The following DNAJB6 variants were observed in gnomAD, a reference collection of about 807,000 sequenced individuals.
DNAJB6 encodes DnaJ heat shock protein family (Hsp40) member B6.
DNAJB6 carries 16 observed loss-of-function variants against 42.7 expected under a neutral mutation model. That is an observed-to-expected ratio of 0.37 (90% CI 0.25 to 0.57). The LOEUF (loss-of-function observed/expected upper bound fraction) is 0.57. DNAJB6 is among the 20% of genes least tolerant of loss of function. DNAJB6 has a pLI of 0.74. For missense variants in DNAJB6, 347 were observed against 416.8 expected, an observed-to-expected ratio of 0.83 and a Z score of 1.46; for synonymous variants, 170 against 163.5, an observed-to-expected ratio of 1.04 and a Z score of -0.30.
intron 8 of DNAJB6, among the ~76,000 whole-genome samples, chr7:157,395,416 T>G (rs62494682): frequency 0.49 from 74,894 of 152,096 alleles, 19,140 homozygotes; most frequent in African/African-American, 0.64. Flanking sequence ...TTTTCCTGCG[T>G]ATGCAGGAGC....
intron 1 of DNAJB6, among the ~76,000 whole-genome samples, chr7:157,342,727 A>G (rs1798468255): frequency 6.6e-6 from 1 of 152,222 alleles, no homozygotes; most frequent in African/African-American, 2.4e-5. Flanking sequence ...TGCTGGGATT[A>G]CAGGTGTGAG....
chr7:157,384,686 GAC>G (rs1469839953), intron 6 of DNAJB6, among the ~76,000 whole-genome samples, 179 bp from the exon 7 acceptor site: 1 of 152,234 alleles, frequency 6.6e-6, no homozygotes, highest in African/African-American at 2.4e-5. Context: ...GGATCTGAGA[GAC>G]AGTCTTTCCC....
chr7:157,347,093 G>C (rs1320735007), intron 1 of DNAJB6, among the ~76,000 whole-genome samples: 1 of 152,080 alleles, frequency 6.6e-6, no homozygotes, highest in African/African-American at 2.4e-5. Flanking sequence ...CTGACCTCGT[G>C]ATTCGCCTGC....
At chr7:157,385,457 A>T in intron 7 of DNAJB6, 84 bp from the exon 8 acceptor site, 2 of 1,412,816 alleles carry the variant, frequency 1.4e-6, no homozygotes, top group Non-Finnish European at 9.8e-7. Flanking sequence ...GGTGTATTTC[A>T]GTAATGTCCT....
chr7:157,346,082 C>A (rs774264944), intron 1 of DNAJB6, among the ~76,000 whole-genome samples: 32 of 151,924 alleles, frequency 2.1e-4, no homozygotes, highest in African/African-American at 6.5e-4. Context: ...GCATTGAACA[C>A]ACGGGCCAGG....
chr7:157,358,170 C>T (rs1799402896), intron 1 of DNAJB6, among the ~76,000 whole-genome samples: 1 of 152,170 alleles, frequency 6.6e-6, no homozygotes, highest in Non-Finnish European at 1.5e-5. Context: ...CACAGGAATG[C>T]ATTGAATGAA....
chr7:157,404,313 CA>C (rs1165144838), intron 8 of DNAJB6, among the ~76,000 whole-genome samples: 1 of 146,774 alleles, frequency 6.8e-6, no homozygotes, highest in Non-Finnish European at 1.5e-5. Context: ...TTTTTTGAGA[CA>C]AAGTCTTAAT....
chr7:157,392,099 CAAAA>C (rs57861175), intron 8 of DNAJB6, among the ~76,000 whole-genome samples: 7 of 112,234 alleles, frequency 6.2e-5, no homozygotes, highest in Admixed American at 9.9e-5. Context: ...GACCCTGTCT[CAAAA>C]AAAAAAAAAA....
intron 2 of DNAJB6, among the ~76,000 whole-genome samples, chr7:157,359,875 C>T (rs998302903): frequency 6.6e-6 from 1 of 152,138 alleles, no homozygotes; most frequent in African/African-American, 2.4e-5. Context: ...AAACCTCTGC[C>T]GAGGAACCTA....
chr7:157,415,149 C>G (rs1314630638), intron 9 of DNAJB6: 1 of 152,308 alleles, frequency 6.6e-6, no homozygotes, highest in Non-Finnish European at 1.5e-5. Context: ...CGGCCATGTT[C>G]CCTCTGCCCA....
chr7:157,339,636 T>A (rs1798246276), intron 1 of DNAJB6, among the ~76,000 whole-genome samples: 1 of 75,152 alleles, frequency 1.3e-5, no homozygotes, highest in East Asian at 6.0e-4. Flanking sequence ...TGTGTGTGTG[T>A]GTGTGTGTGT....
At chr7:157,351,613 A>G (rs1015288158) in intron 1 of DNAJB6, among the ~76,000 whole-genome samples, 1 of 150,060 alleles carries the variant, frequency 6.7e-6, no homozygotes, top group Non-Finnish European at 1.5e-5. Context: ...AGCCTGGGTG[A>G]CATAGTGAGA....
intron 1 of DNAJB6, among the ~76,000 whole-genome samples, chr7:157,343,535 C>A (rs563388542): frequency 6.6e-6 from 1 of 152,000 alleles, no homozygotes; most frequent in African/African-American, 2.4e-5. Context: ...GTGGTGTGAT[C>A]TCAGCTCACT....
rs542129864 is a variant in DNAJB6 at position 157,339,579 on chromosome 7, A to G, written c.-27+2435A>G. ...CTCCCAAAGTGCTGGGATTACAGGC[A>G]TGAGCCACCGCGCCCGGCCTTTTGT... On this transcript the variant is annotated intron_variant, in intron 1 of 9. Coordinates refer to ENST00000262177, the MANE Select transcript of DNAJB6 (RefSeq NM_058246.4). 4.3e-3 allele frequency among the ~76,000 whole-genome samples: 644 copies of G among 150,590 alleles called. 5 individuals carry two copies. The highest frequency in any genetic ancestry group is 0.015 in the African/African-American group (612 of 40,956).
rs1799379403 is a variant in DNAJB6, at chr7:157,357,649, C to A, written c.-26-898C>A. ...TTGTTGTTTTAAAAGAGTAGGTTAGCCAGTCAAATTGAAAGAAGTAAATTG... is the reference window on the plus strand; with the variant it reads ...TTGTTGTTTTAAAAGAGTAGGTTAGACAGTCAAATTGAAAGAAGTAAATTG... On this transcript the variant is annotated intron_variant, in intron 1 of 9. Transcript: ENST00000262177. 4.6e-5 allele frequency among the ~76,000 whole-genome samples: 7 copies of A among 152,092 alleles called. No homozygotes were observed. The South Asian group carries it at 1.5e-3, about 32-fold the overall frequency.
chr7:157,364,462 AAG>A (rs887922996), intron 3 of DNAJB6, among the ~76,000 whole-genome samples: 3 of 152,148 alleles, frequency 2.0e-5, no homozygotes, highest in African/African-American at 7.2e-5. Context: ...ATTTTTTTTA[AAG>A]AGAGAGGATC....
At chr7:157,413,606 G>C (rs935561707) in intron 9 of DNAJB6, 1 of 152,130 alleles carries the variant, frequency 6.6e-6, no homozygotes, top group Non-Finnish European at 1.5e-5. Context: ...CAAGGCTGGC[G>C]GTCCCACGAA....
intron 1 of DNAJB6, among the ~76,000 whole-genome samples, chr7:157,342,713 A>G (rs906019802): frequency 2.0e-5 from 3 of 152,094 alleles, no homozygotes; most frequent in African/African-American, 7.2e-5. Flanking sequence ...TCGACCTTCC[A>G]AAGTGCTGGG....
intron 1 of DNAJB6, among the ~76,000 whole-genome samples, chr7:157,353,586 G>GTGTGTGTGTGTGTGTGTGTGT (rs1799112185): frequency 7.1e-6 from 1 of 140,040 alleles, no homozygotes; most frequent in African/African-American, 2.7e-5. Context: ...TCTTGACCGG[G>GTGTGTGTGTGTGTGTGTGTGT]GTGTGTGTGT....
Sources: gnomAD v4.1 joint callset for allele counts (sites outside exome capture counted in the v4.1 genomes callset) on GRCh38, gnomAD v4.1.1 for gene constraint, MANE v1.5 for transcripts, NCBI Gene and HGNC (gene_info 2026-07-23, HGNC 2026-07-21) for gene names.